DIPK1B: variants seen among roughly 807,000 people sequenced by gnomAD.
DIPK1B encodes the protein family with sequence similarity 69 member B.
In DIPK1B, 17 loss-of-function variants were observed where a neutral mutation model predicts 20.7. The observed-to-expected ratio is 0.82, with a 90% CI of 0.56 to 1.23. The LOEUF (loss-of-function observed/expected upper bound fraction) is 1.23. DIPK1B is among the 50% of genes most tolerant of loss of function. The probability of loss-of-function intolerance (pLI) is 0.00; values close to 1 mark genes in which losing one functional copy is unlikely to be tolerated. For missense variants in DIPK1B, 648 were observed against 601.8 expected (o/e 1.08, Z -0.80); for synonymous variants, 343 against 276.5 (o/e 1.24, Z -2.39).
intron 1 of DIPK1B, among the ~76,000 whole-genome samples, chr9:136,716,264 CTTTTTT>C (rs71385760): frequency 4.9e-5 from 6 of 121,266 alleles, no homozygotes; most frequent in South Asian, 2.8e-4. Flanking sequence ...GAGTCTGTGT[CTTTTTT>C]TTTTTTTTTT....
At chr9:136,722,540 C>T in intron 4 of DIPK1B, 4 of 596,668 alleles carry the variant, frequency 6.7e-6, no homozygotes, top group Non-Finnish European at 1.2e-5. Flanking sequence ...GGGGAGGCTC[C>T]TGCAGTCAAG....
rs374278535 is a variant in DIPK1B at position 136,723,189 on chromosome 9, C to T, written c.711C>T (p.Gly237=). The T allele has an allele frequency of 2.4e-5, 39 of 1,612,556 alleles. No homozygotes were observed. The highest frequency in any genetic ancestry group is 1.1e-4 in the East Asian group (5 of 44,890). ...ACCTCACCGAGGGCGTGCCGCATGG[C>T]GCCTGGCACGCGGCCGCCCTTCCAC... is the stretch of plus-strand genomic sequence containing the variant. ...DLYLTEGVPH[G]AWHAAALPPL... The change falls in exon 5 of 5, where the codon GGC becomes GGT. Residue 237 remains glycine (G), a synonymous_variant. Coordinates refer to ENST00000371692, the MANE Select transcript of DIPK1B (RefSeq NM_152421.4).
intron 2 of DIPK1B, among the ~76,000 whole-genome samples, chr9:136,718,041 G>A (rs1173077511): frequency 1.3e-5 from 2 of 152,260 alleles, no homozygotes; most frequent in South Asian, 2.1e-4. Flanking sequence ...AGCCTGGGGT[G>A]GGCAGCTGGC....
chr9:136,722,118 T>C lies in DIPK1B; in HGVS notation c.307-7T>C. The C allele has an allele frequency of 6.2e-7, 1 of 1,613,860 alleles. No individual in the cohort carries two copies. Among genetic ancestry groups the C allele is most frequent in the South Asian group, 1.1e-5 (1 of 91,076 alleles). ...TCTGCACGGAGGACCTCTGTGGCCC[T>C]GTCCAGGTGTACAGCGGGCTCTGGC... On this transcript the variant is annotated splice_polypyrimidine_tract_variant and splice_region_variant and intron_variant, in intron 3 of 4. Coordinates refer to ENST00000371692, the MANE Select transcript of DIPK1B (RefSeq NM_152421.4).
At position 136,724,170 on chromosome 9, in the gene DIPK1B, G is replaced by C. The variant is rs1846666860; in HGVS notation, c.*396G>C. 1 of 251,846 alleles carries C rather than the reference G, an allele frequency of 4.0e-6. No individual in the cohort carries two copies. The highest frequency in any genetic ancestry group is 2.3e-5 in the African/African-American group (1 of 43,144). The allele number at this position is 251,846 out of a possible 1,614,324, so 15.6% of individuals were successfully genotyped here. Reference sequence around the variant, plus strand: ...ATCCTTCCTGGCGAGGCAGCCCTCAGGTGTTAGTCCAAGGTGAGGTCTATT... The same window carrying C: ...ATCCTTCCTGGCGAGGCAGCCCTCACGTGTTAGTCCAAGGTGAGGTCTATT... On this transcript the variant is annotated 3_prime_UTR_variant, in exon 5 of 5. Coordinates refer to ENST00000371692, the MANE Select transcript of DIPK1B (RefSeq NM_152421.4).
At position 136,723,086 on chromosome 9, in the gene DIPK1B, G is replaced by A. The variant is rs368865388; in HGVS notation, c.608G>A (p.Arg203His). The change falls in exon 5 of 5, where the codon CGT becomes CAT. Residue 203 changes from arginine to histidine, a missense_variant. Transcript: ENST00000371692. Reference protein sequence around the residue: ...EAKSVWALLQRNEFLLLLSLQ... With the variant: ...EAKSVWALLQHNEFLLLLSLQ... ...AAGTCCGTGTGGGCCCTGCTGCAGC[G>A]TAACGAGTTCCTGCTGCTGCTGTCC... 71 of 1,613,508 alleles carry A rather than the reference G, an allele frequency of 4.4e-5. No individual in the cohort carries two copies. The highest frequency in any genetic ancestry group is 2.0e-4 in the East Asian group (9 of 44,898).
At chr9:136,720,478 C>G (rs113446810) in intron 2 of DIPK1B, among the ~76,000 whole-genome samples, 12,201 of 152,202 alleles carry the variant, frequency 0.08, 591 homozygotes, top group Middle Eastern at 0.13. Flanking sequence ...TCTCCCCCCC[C>G]CAGAGGGGCG....
At chr9:136,716,264 CTTT>C (rs71385760) in intron 1 of DIPK1B, among the ~76,000 whole-genome samples, 9 of 121,260 alleles carry the variant, frequency 7.4e-5, no homozygotes, top group Admixed American at 8.6e-5. Context: ...GAGTCTGTGT[CTTT>C]TTTTTTTTTT....
At position 136,717,617 on chromosome 9, in the gene DIPK1B, C is replaced by A. The variant is rs776813151; in HGVS notation, c.104C>A (p.Ala35Asp). The A allele has an allele frequency of 6.2e-7, 1 of 1,603,704 alleles. No homozygotes were observed. Among genetic ancestry groups the A allele is most frequent in the Non-Finnish European group, 8.5e-7 (1 of 1,179,908 alleles). The part of the protein sequence containing the change: ...PGLRVRCIFL[A>D]WLGVFAGSWL... ...CTCAGGGTCCGCTGCATCTTCCTGGCCTGGCTGGGCGTCTTTGCAGGCAGC... is the reference window on the plus strand; with the variant it reads ...CTCAGGGTCCGCTGCATCTTCCTGGACTGGCTGGGCGTCTTTGCAGGCAGC... Residue 35 changes from alanine (A) to aspartate (D), a missense_variant, in exon 2 of 5, where the codon GCC becomes GAC. By Grantham distance (126) the Ala-to-Asp change is moderately radical. Coordinates refer to ENST00000371692, the MANE Select transcript of DIPK1B (RefSeq NM_152421.4).
intron 4 of DIPK1B, 97 bp from the exon 5 acceptor site, chr9:136,722,865 G>C: frequency 2.3e-6 from 3 of 1,318,890 alleles, no homozygotes; most frequent in Admixed American, 2.5e-5. Context: ...TGGTCTGGCC[G>C]GCAGACCACC....
chr9:136,721,892 G>A (rs754427980), intron 2 of DIPK1B, 29 bp from the exon 3 acceptor site: 39 of 1,602,812 alleles, frequency 2.4e-5, no homozygotes, highest in Middle Eastern at 2.0e-4. Context: ...TGGCTGCCCC[G>A]CCCGGCACGC....
Position 136,723,889 on chromosome 9 carries a change from T to C in DIPK1B, c.*115T>C. 1 of 1,083,790 alleles carries C rather than the reference T, an allele frequency of 9.2e-7. No homozygotes were observed. The highest frequency in any genetic ancestry group is 1.3e-6 in the Non-Finnish European group (1 of 769,286). 67.1% of individuals were successfully genotyped at this position (1,083,790 alleles called of 1,614,324 possible). Reference sequence around the variant, plus strand: ...AAATGCAACTGTGTTGCAAAATCACTCCCCTACCGTCAGGGCTCTGGATTC... The same window carrying C: ...AAATGCAACTGTGTTGCAAAATCACCCCCCTACCGTCAGGGCTCTGGATTC... On this transcript the variant is annotated 3_prime_UTR_variant, in exon 5 of 5. Coordinates refer to ENST00000371692, the MANE Select transcript of DIPK1B (RefSeq NM_152421.4).
intron 2 of DIPK1B, among the ~76,000 whole-genome samples, chr9:136,718,464 A>G (rs1339235943): frequency 6.6e-6 from 1 of 152,134 alleles, no homozygotes; most frequent in Non-Finnish European, 1.5e-5. Flanking sequence ...AGTGCACACC[A>G]AGGTGACCCC....
At chr9:136,717,810 G>C in intron 2 of DIPK1B, 99 bp downstream of exon 2, 1 of 1,543,856 alleles carries the variant, frequency 6.5e-7, no homozygotes, top group Non-Finnish European at 8.8e-7. Context: ...CCCAGACCCA[G>C]GGCCCACGAG....
chr9:136,717,767 G>A, intron 2 of DIPK1B, 56 bp downstream of exon 2: 1 of 1,601,302 alleles, frequency 6.2e-7, no homozygotes, highest in Non-Finnish European at 8.5e-7. Context: ...TGCCCAAGAT[G>A]CTGGGGCACC....
At position 136,723,191 on chromosome 9, in the gene DIPK1B, C is replaced by G; in HGVS notation, c.713C>G (p.Ala238Gly). The G allele has an allele frequency of 6.2e-7, 1 of 1,612,704 alleles. No homozygotes were observed. Among genetic ancestry groups the G allele is most frequent in the Non-Finnish European group, 8.5e-7 (1 of 1,179,844 alleles). Reference sequence around the variant, plus strand: ...CTCACCGAGGGCGTGCCGCATGGCGCCTGGCACGCGGCCGCCCTTCCACCC... The same window carrying G: ...CTCACCGAGGGCGTGCCGCATGGCGGCTGGCACGCGGCCGCCCTTCCACCC... ...LYLTEGVPHG[A>G]WHAAALPPLL... Residue 238 changes from alanine to glycine, a missense_variant, in exon 5 of 5, where the codon GCC becomes GGC. Transcript: ENST00000371692.
intron 1 of DIPK1B, among the ~76,000 whole-genome samples, chr9:136,713,552 C>G (rs1846455468): frequency 6.6e-6 from 1 of 152,248 alleles, no homozygotes; most frequent in African/African-American, 2.4e-5. Flanking sequence ...CAGCGAGACC[C>G]TCTGTGCCCA....
chr9:136,722,754 T>TGGCAGCAGCCACACAGGCC (rs1846628105), intron 4 of DIPK1B: 6 of 628,062 alleles, frequency 9.6e-6, no homozygotes, highest in African/African-American at 3.7e-5. Context: ...GAGGTCTGTC[T>TGGCAGCAGCCACACAGGCC]GGCAGCAGCC....
At position 136,722,897 on chromosome 9, in the gene DIPK1B, G is replaced by A. The variant is rs549407703; in HGVS notation, c.484-65G>A. 4.5e-5 allele frequency: 66 copies of A among 1,478,646 alleles called. No homozygotes were observed. In the African/African-American group the frequency reaches 8.9e-4, roughly 20 times the overall value. The allele number at this position is 1,478,646 out of a possible 1,614,324, so 91.6% of individuals were successfully genotyped here. Reference sequence around the variant, plus strand: ...CACCCCGCCAGGAGGACCAGGTAAAGGCCAGGTCGTGCTCCCAGACATCAA... The same window carrying A: ...CACCCCGCCAGGAGGACCAGGTAAAAGCCAGGTCGTGCTCCCAGACATCAA... On this transcript the variant is annotated intron_variant, in intron 4 of 4. Transcript: ENST00000371692.
Sources: gnomAD v4.1 joint callset for allele counts (sites outside exome capture counted in the v4.1 genomes callset) on GRCh38, gnomAD v4.1.1 for gene constraint, MANE v1.5 for transcripts, NCBI Gene and HGNC (gene_info 2026-07-23, HGNC 2026-07-21) for gene names.